KCNN3: variants seen among roughly 807,000 people sequenced by gnomAD.
The protein encoded by KCNN3 is potassium calcium-activated channel subfamily N member 3, also known as small conductance calcium-activated potassium channel protein 3.
A neutral mutation model predicts 62.9 loss-of-function variants in KCNN3; 16 were observed. That is an observed-to-expected ratio of 0.25 (90% CI 0.17 to 0.39). The LOEUF (loss-of-function observed/expected upper bound fraction) is 0.39. Ranked by LOEUF, KCNN3 falls within the 10% of genes least tolerant of loss-of-function variation. KCNN3 has a pLI of 1.00. For missense variants in KCNN3, 599 were observed against 949.4 expected (o/e 0.63, Z 4.85); for synonymous variants, 370 against 389.2 (o/e 0.95, Z 0.58).
At chr1:154,787,060 G>A (rs1649312611) in intron 2 of KCNN3, among the ~76,000 whole-genome samples, 1 of 152,190 alleles carries the variant, frequency 6.6e-6, no homozygotes, top group Non-Finnish European at 1.5e-5. Flanking sequence ...CCCCTCCAAG[G>A]CCAGCCTCAT....
At chr1:154,787,294 C>A (rs1649321691) in intron 2 of KCNN3, among the ~76,000 whole-genome samples, 1 of 152,238 alleles carries the variant, frequency 6.6e-6, no homozygotes, top group African/African-American at 2.4e-5. Context: ...GAAAGGAAAC[C>A]TGCTCCACCA....
chr1:154,814,751 T>C (rs1650587066), intron 2 of KCNN3, among the ~76,000 whole-genome samples: 1 of 152,224 alleles, frequency 6.6e-6, no homozygotes, highest in Non-Finnish European at 1.5e-5. Context: ...ATTTATTCCA[T>C]GGTGTTCTGA....
At chr1:154,866,131 C>G (rs1014166723) in intron 1 of KCNN3, among the ~76,000 whole-genome samples, 2 of 152,300 alleles carry the variant, frequency 1.3e-5, no homozygotes, top group South Asian at 2.1e-4. Flanking sequence ...TCACCTCCCC[C>G]CAAGAATAAA....
chr1:154,820,965 C>G (rs758820981), intron 2 of KCNN3, among the ~76,000 whole-genome samples: 1 of 152,208 alleles, frequency 6.6e-6, no homozygotes, highest in African/African-American at 2.4e-5. Context: ...GCTGCTCCAC[C>G]CTGAAAATGC....
chr1:154,824,933 G>A (rs1353263828), intron 1 of KCNN3, among the ~76,000 whole-genome samples: 1 of 152,192 alleles, frequency 6.6e-6, no homozygotes, highest in African/African-American at 2.4e-5. Context: ...GATCAACAGG[G>A]ACTCTCGATA....
rs1205847649 is a variant in KCNN3, at chr1:154,698,180, C to G, written c.*9796G>C. 1 of 152,090 alleles carries G rather than the reference C, an allele frequency of 6.6e-6. No homozygotes were observed. The highest frequency in any genetic ancestry group is 1.5e-5 in the Non-Finnish European group (1 of 68,030). The allele number at this position is 152,090 out of a possible 1,614,324, so 9.4% of individuals were successfully genotyped here. On this transcript the variant is annotated 3_prime_UTR_variant, in exon 8 of 8. Transcript: ENST00000271915. ...GATATTACATACTCCTTCTAAAGCA[C>G]CTAATTTGCATTTTTATTATTATTA... is the stretch of plus-strand genomic sequence containing the variant.
chr1:154,772,334 G>C lies in KCNN3; in HGVS notation c.1089C>G (p.Ile363Met). ...CCAGCATCTCCAGGCTGATGTACAG[G>C]ATGCGCTCGTAGGTCATGGCTATCC... ...DWRIAMTYER[I>M]LYISLEMLVC... Residue 363 changes from isoleucine to methionine, a missense_variant, in exon 3 of 8, where the codon ATC (isoleucine) becomes ATG (methionine). Ile to Met is a conservative substitution (Grantham distance 10, BLOSUM62 1). Transcript: ENST00000271915. This position sits in a 1 kb window ranked among gnomAD's most constrained non-coding sequence, Gnocchi z 5.6. 1.2e-6 allele frequency: 2 copies of C among 1,614,188 alleles called. No individual in the cohort carries two copies. The highest frequency in any genetic ancestry group is 1.7e-6 in the Non-Finnish European group (2 of 1,180,032).
In KCNN3 at chr1:154,714,858, C is replaced by T. The variant is rs745910362; in HGVS notation, c.1829+18G>A. ...CCAGTCTGGTCATCTGATGGCTGAA[C>T]CGCTCTGGCATACTCACTGGTGGAT... On this transcript the variant is annotated intron_variant, in intron 6 of 7. Coordinates refer to ENST00000271915, the MANE Select transcript of KCNN3 (RefSeq NM_002249.6). The T allele has an allele frequency of 1.9e-6, 3 of 1,613,048 alleles. No individual in the cohort carries two copies. Among genetic ancestry groups the T allele is most frequent in the African/African-American group, 1.3e-5 (1 of 74,880 alleles).
intron 3 of KCNN3, among the ~76,000 whole-genome samples, chr1:154,745,268 A>C (rs1700914209): frequency 6.6e-6 from 1 of 152,248 alleles, no homozygotes. Context: ...AGTTATTTTT[A>C]AAAGGAGAGA....
intron 1 of KCNN3, chr1:154,859,806 A>G: frequency 6.2e-7 from 1 of 1,613,444 alleles, no homozygotes. Flanking sequence ...GTGCCAGCTC[A>G]GTCCCTGCAA....
intron 2 of KCNN3, among the ~76,000 whole-genome samples, chr1:154,807,763 G>A (rs1280229411): frequency 1.3e-5 from 2 of 152,178 alleles, no homozygotes; most frequent in Non-Finnish European, 2.9e-5. Context: ...AGACAAACTC[G>A]GGCTGCCCTC....
At chr1:154,760,595 GC>G (rs1647957744) in intron 3 of KCNN3, among the ~76,000 whole-genome samples, 1 of 152,108 alleles carries the variant, frequency 6.6e-6, no homozygotes, top group East Asian at 1.9e-4. Flanking sequence ...CCCTCCCTGC[GC>G]CCCCTGGCGG....
In KCNN3 at chr1:154,733,147, G is replaced by C; in HGVS notation, c.1449-3C>G. On this transcript the variant is annotated splice_polypyrimidine_tract_variant and splice_region_variant and intron_variant, in intron 3 of 7. Transcript: ENST00000271915. The stretch of plus-strand genomic sequence containing the variant: ...TTACGTCCTGCTGGTCATGGTACCT[G>C]CCAATGGGAAGACAGGAGTTAGTCG... 6.2e-7 allele frequency: 1 copy of C among 1,614,176 alleles called. No homozygotes were observed. Among genetic ancestry groups the C allele is most frequent in the Non-Finnish European group, 8.5e-7 (1 of 1,179,994 alleles).
intron 1 of KCNN3, among the ~76,000 whole-genome samples, chr1:154,847,006 C>T (rs1652090703): frequency 6.6e-6 from 1 of 152,132 alleles, no homozygotes; most frequent in South Asian, 2.1e-4. Context: ...AGCGGCAGAG[C>T]CAGGAGTTGA....
chr1:154,716,302 C>G (rs1449384608), intron 5 of KCNN3, among the ~76,000 whole-genome samples: 1 of 152,234 alleles, frequency 6.6e-6, no homozygotes, highest in African/African-American at 2.4e-5. Flanking sequence ...TTTGATTAAC[C>G]ATCCCCATTT....
rs1231113548 is a variant in KCNN3, at chr1:154,831,109, G to A, written c.934-8925C>T. On this transcript the variant is annotated intron_variant, in intron 1 of 7. Coordinates refer to ENST00000271915, the MANE Select transcript of KCNN3 (RefSeq NM_002249.6). ...GTTTGCCATGTGCCAGGCACTGTGC[G>A]GGAGGTGGAAACATACAGGATGAGG... 3.9e-5 allele frequency among the ~76,000 whole-genome samples: 6 copies of A among 152,198 alleles called. 1 individual carries two copies. Among genetic ancestry groups the A allele is most frequent in the East Asian group, 3.8e-4 (2 of 5,196 alleles).
At chr1:154,794,293 A>T (rs1327106657) in intron 2 of KCNN3, among the ~76,000 whole-genome samples, 1 of 152,226 alleles carries the variant, frequency 6.6e-6, no homozygotes, top group Non-Finnish European at 1.5e-5. Context: ...GACAGAGACC[A>T]TGTCTGTTTC....
At chr1:154,759,213 G>A (rs1399286314) in intron 3 of KCNN3, among the ~76,000 whole-genome samples, 1 of 152,244 alleles carries the variant, frequency 6.6e-6, no homozygotes, top group Non-Finnish European at 1.5e-5. Context: ...TGGCAGTGGA[G>A]GGCAGGGGAA....
intron 1 of KCNN3, among the ~76,000 whole-genome samples, chr1:154,840,073 G>A (rs1315706388): frequency 6.6e-6 from 1 of 152,084 alleles, no homozygotes; most frequent in Non-Finnish European, 1.5e-5. Context: ...TTTGTCTCTT[G>A]CAATTTATCT....
Sources: allele counts gnomAD v4.1 joint callset (sites outside exome capture counted in the v4.1 genomes callset), GRCh38; gene constraint gnomAD v4.1.1; non-coding constraint Gnocchi (gnomAD v3.1); transcripts MANE v1.5; gene names NCBI Gene and HGNC (gene_info 2026-07-23, HGNC 2026-07-21).